NCKAP5: variants seen among roughly 807,000 people sequenced by gnomAD.
NCKAP5 encodes the protein NCK associated protein 5.
Under a neutral mutation model 167.0 loss-of-function variants are expected in NCKAP5, and 92 were observed. The observed-to-expected ratio is 0.55, with a 90% CI of 0.47 to 0.66. The LOEUF is 0.66. Among genes scored for constraint, NCKAP5 ranks in the 30% least tolerant of loss-of-function variants. NCKAP5 has a pLI of 0.00. For missense variants in NCKAP5, 2,378 were observed against 2,315.0 expected (o/e 1.03, Z -0.56); for synonymous variants, 891 against 877.4 (o/e 1.02, Z -0.27).
At chr2:133,029,889 A>C (rs1285853849) in intron 6 of NCKAP5, among the ~76,000 whole-genome samples, 4 of 152,202 alleles carry the variant, frequency 2.6e-5, no homozygotes. Flanking sequence ...TTGGACAAAA[A>C]GAAATGTTTA....
intron 6 of NCKAP5, among the ~76,000 whole-genome samples, chr2:133,036,284 A>C (rs1291722663): frequency 6.6e-6 from 1 of 152,026 alleles, no homozygotes; most frequent in South Asian, 2.1e-4. Flanking sequence ...AATGATTCTG[A>C]AAGATAGAAG....
chr2:133,180,651 A>G (rs1311727833), intron 5 of NCKAP5, among the ~76,000 whole-genome samples: 4 of 152,180 alleles, frequency 2.6e-5, no homozygotes, highest in Non-Finnish European at 2.9e-5. Context: ...ATGGTTAAAG[A>G]AAGTTTTCTA....
At chr2:133,162,553 A>G (rs2083837026) in intron 5 of NCKAP5, among the ~76,000 whole-genome samples, 2 of 152,214 alleles carry the variant, frequency 1.3e-5, no homozygotes, top group Admixed American at 1.3e-4. Context: ...AGCATAATCT[A>G]CAGAAGCCCT....
chr2:133,141,379 G>A lies in NCKAP5; in HGVS notation c.208-11268C>T, dbSNP rs1017058033. On this transcript the variant is annotated intron_variant, in intron 5 of 19. Transcript: ENST00000409261. ...GTACATTGTACCGTTCTTTTTGTTC[G>A]CCCTACTAGACTGTACAGAGTAGTG... Among the ~76,000 whole-genome samples the A allele has an allele frequency of 4.0e-5, 6 of 149,668 alleles. No homozygotes were observed. In the South Asian group the frequency reaches 6.4e-4, roughly 16 times the overall value.
At chr2:132,768,764 C>A (rs1344250636) in intron 16 of NCKAP5, among the ~76,000 whole-genome samples, 2 of 151,234 alleles carry the variant, frequency 1.3e-5, no homozygotes, top group Admixed American at 1.3e-4. Flanking sequence ...CTCAGCCTCC[C>A]GAGTAGCTGG....
chr2:133,088,286 C>T (rs762556718), intron 6 of NCKAP5, among the ~76,000 whole-genome samples: 7 of 152,160 alleles, frequency 4.6e-5, no homozygotes, highest in Non-Finnish European at 8.8e-5. Context: ...CACATTTTTG[C>T]AGAAGCCCCT....
intron 4 of NCKAP5, among the ~76,000 whole-genome samples, chr2:133,255,696 T>C (rs112538992): frequency 9.2e-5 from 14 of 152,308 alleles, no homozygotes; most frequent in South Asian, 4.1e-4. Context: ...AGTATTAAAA[T>C]AGCCCTTGCC....
intron 6 of NCKAP5, among the ~76,000 whole-genome samples, chr2:133,010,627 C>T (rs59407905): frequency 0.054 from 8,202 of 152,256 alleles, 551 homozygotes; most frequent in East Asian, 0.35. Context: ...AGAATAACCA[C>T]ATCAGAATAT....
intron 2 of NCKAP5, among the ~76,000 whole-genome samples, chr2:133,541,139 T>G (rs996704447): frequency 6.6e-6 from 1 of 151,290 alleles, no homozygotes; most frequent in Admixed American, 6.6e-5. Context: ...ACTAAACAAA[T>G]AACAAAATTA....
chr2:132,900,977 G>GAAAAAAAAAAAAAAAA (rs58885401), intron 8 of NCKAP5, among the ~76,000 whole-genome samples: 3 of 98,656 alleles, frequency 3.0e-5, no homozygotes, highest in Non-Finnish European at 6.2e-5. Context: ...AAAAAAAAAA[G>GAAAAAAAAAAAAAAAA]AAAAAAAAAA....
chr2:132,963,776 T>G lies in NCKAP5; in HGVS notation c.523A>C (p.Thr175Pro). Residue 175 changes from threonine (T) to proline (P), a missense_variant, in exon 8 of 20, where the codon ACA (threonine) becomes CCA (proline). Around this residue, in one of 3 missense-constraint regions of NCKAP5, gnomAD observed 1,049 missense variants for 1,023.4 expected, o/e 1.02. Coordinates refer to ENST00000409261, the MANE Select transcript of NCKAP5 (RefSeq NM_207363.3). The stretch of plus-strand genomic sequence containing the variant: ...TTGGTCTTTTCTTTTCCCTCATCTG[T>G]ACTGCTGCTTTCACTCCTCGAATCC... ...DEDSRSESSS[T>P]DEGKEKTKLL... 1 of 1,613,978 alleles carries G rather than the reference T, an allele frequency of 6.2e-7. No individual in the cohort carries two copies. Among genetic ancestry groups the G allele is most frequent in the Non-Finnish European group, 8.5e-7 (1 of 1,179,868 alleles).
intron 8 of NCKAP5, among the ~76,000 whole-genome samples, chr2:132,949,049 G>GA (rs112801568): frequency 1.8e-3 from 235 of 131,982 alleles, no homozygotes; most frequent in African/African-American, 5.4e-3. Flanking sequence ...GAAAAGAAAA[G>GA]AAACATGGTG....
intron 4 of NCKAP5, among the ~76,000 whole-genome samples, chr2:133,294,440 C>A (rs1357458602): frequency 6.6e-6 from 1 of 152,296 alleles, no homozygotes; most frequent in African/African-American, 2.4e-5. Flanking sequence ...GAGAGCATGT[C>A]GGCTTTTTCT....
chr2:133,071,530 A>G (rs1322363772), intron 6 of NCKAP5, among the ~76,000 whole-genome samples: 1 of 152,230 alleles, frequency 6.6e-6, no homozygotes, highest in African/African-American at 2.4e-5. Context: ...AGAAACTGTC[A>G]GTCTTTATAT....
chr2:133,559,310 C>T (rs766357631), intron 1 of NCKAP5, among the ~76,000 whole-genome samples, 193 bp from the exon 2 acceptor site: 1 of 152,120 alleles, frequency 6.6e-6, no homozygotes, highest in Non-Finnish European at 1.5e-5. Flanking sequence ...ACACATCATA[C>T]ACATTTAATA....
the NCKAP5 span, among the ~76,000 whole-genome samples, chr2:133,627,197 C>T: frequency 2.6e-5 from 4 of 151,860 alleles, no homozygotes; most frequent in East Asian, 7.7e-4. Context: ...GTAAAAGGCA[C>T]ACCCAAATCA....
the NCKAP5 span, among the ~76,000 whole-genome samples, chr2:133,605,220 T>C: frequency 1.3e-5 from 2 of 152,202 alleles, no homozygotes; most frequent in African/African-American, 2.4e-5. Flanking sequence ...CCTCTTCTCA[T>C]ATAACGGCCT....
chr2:133,033,836 GAAT>G (rs1476219754), intron 6 of NCKAP5, among the ~76,000 whole-genome samples: 1 of 151,392 alleles, frequency 6.6e-6, no homozygotes, highest in Non-Finnish European at 1.5e-5. Flanking sequence ...AAAGAAAAAA[GAAT>G]AAAAAAACAA....
intron 6 of NCKAP5, among the ~76,000 whole-genome samples, chr2:133,045,074 G>T (rs1360877081): frequency 6.8e-6 from 1 of 146,598 alleles, no homozygotes; most frequent in Non-Finnish European, 1.5e-5. Flanking sequence ...AAAAAAGAAA[G>T]AAAAGAAAAA....
Sources: allele counts gnomAD v4.1 joint callset (sites outside exome capture counted in the v4.1 genomes callset), GRCh38; gene constraint gnomAD v4.1.1; regional missense constraint gnomAD v4.1.1; transcripts MANE v1.5; gene names NCBI Gene and HGNC (gene_info 2026-07-23, HGNC 2026-07-21).